Variants in LINGO2 observed in about 807,000 individuals in gnomAD.
LINGO2 encodes the protein leucine rich repeat and Ig domain containing 2.
In LINGO2, 14 loss-of-function variants were observed where a neutral mutation model predicts 30.6. The ratio of observed to expected loss-of-function variants is 0.46; its 90% CI spans 0.30 to 0.72. The LOEUF (loss-of-function observed/expected upper bound fraction) is 0.72, where lower values mean the gene tolerates loss of function less well. LINGO2 is among the 30% of genes least tolerant of loss of function. LINGO2 has a pLI of 0.07. For missense variants in LINGO2, 729 were observed against 751.7 expected (o/e 0.97, Z 0.35); for synonymous variants, 317 against 288.5 (o/e 1.10, Z -1.00).
rs147827421 is a variant in LINGO2 at position 28,194,167 on chromosome 9, G to T, written c.-87+101041C>A. ...AAATGAAATGAGAGATACTGTCGTGGCCATCTTTGGAAAATACAATCTACT... is the reference window on the plus strand; with the variant it reads ...AAATGAAATGAGAGATACTGTCGTGTCCATCTTTGGAAAATACAATCTACT... On this transcript the variant is annotated intron_variant, in intron 4 of 5. Coordinates refer to ENST00000379992, the Ensembl canonical transcript of LINGO2. Among the ~76,000 whole-genome samples the T allele has an allele frequency of 2.4e-3, 371 of 152,180 alleles. 3 individuals are homozygous for T. The highest frequency in any genetic ancestry group is 8.0e-3 in the African/African-American group (334 of 41,526).
chr9:28,335,284 G>A (rs1163971221), intron 3 of LINGO2, among the ~76,000 whole-genome samples: 1 of 152,122 alleles, frequency 6.6e-6, no homozygotes, highest in Non-Finnish European at 1.5e-5. Context: ...GTGCCAAGGA[G>A]TGCTTCATAT....
chr9:29,193,106 A>C, the LINGO2 span, among the ~76,000 whole-genome samples: 2 of 152,122 alleles, frequency 1.3e-5, no homozygotes, highest in Non-Finnish European at 2.9e-5. Context: ...GAATTGGAGG[A>C]GGATATGAAA....
At chr9:28,827,989 C>A in the LINGO2 span, among the ~76,000 whole-genome samples, 1 of 151,784 alleles carries the variant, frequency 6.6e-6, no homozygotes, top group Non-Finnish European at 1.5e-5. Context: ...TATATGTAGA[C>A]AATATCTTGA....
the LINGO2 span, among the ~76,000 whole-genome samples, chr9:29,073,809 G>A: frequency 1.3e-5 from 2 of 152,124 alleles, no homozygotes; most frequent in Non-Finnish European, 1.5e-5. Flanking sequence ...ATTAGTCTGA[G>A]TTACTGGCAA....
the LINGO2 span, among the ~76,000 whole-genome samples, chr9:28,782,752 A>G: frequency 6.6e-6 from 1 of 152,234 alleles, no homozygotes; most frequent in Non-Finnish European, 1.5e-5. Context: ...ACAATAGTCC[A>G]TTCTTCTGCC....
intron 4 of LINGO2, among the ~76,000 whole-genome samples, chr9:28,181,623 A>T (rs1828913283): frequency 6.6e-6 from 1 of 152,156 alleles, no homozygotes; most frequent in Non-Finnish European, 1.5e-5. Context: ...GCCTAATGAA[A>T]TGTTTTCAAA....
chr9:29,084,040 C>A, the LINGO2 span, among the ~76,000 whole-genome samples: 3 of 151,848 alleles, frequency 2.0e-5, no homozygotes, highest in Non-Finnish European at 4.4e-5. Context: ...AGGAAAAAAT[C>A]AAAAATGTAA....
chr9:28,990,740 C>T, the LINGO2 span, among the ~76,000 whole-genome samples: 1 of 116,964 alleles, frequency 8.5e-6, no homozygotes, highest in Non-Finnish European at 1.9e-5. Context: ...GATACCCAGG[C>T]TAACAGGGTC....
chr9:28,693,389 T>C, the LINGO2 span, among the ~76,000 whole-genome samples: 1 of 152,164 alleles, frequency 6.6e-6, no homozygotes, highest in East Asian at 1.9e-4. Context: ...TAAACATTTA[T>C]TGCACTGCTC....
At chr9:28,498,790 T>C (rs941058082) in intron 1 of LINGO2, among the ~76,000 whole-genome samples, 3 of 152,086 alleles carry the variant, frequency 2.0e-5, no homozygotes, top group Non-Finnish European at 4.4e-5. Context: ...TATTCGGCCA[T>C]CTTGGAACCG....
the LINGO2 span, among the ~76,000 whole-genome samples, chr9:28,915,120 G>T: frequency 5.3e-5 from 8 of 152,136 alleles, no homozygotes; most frequent in Non-Finnish European, 1.0e-4. Flanking sequence ...GACAGAGCGA[G>T]ACTCTGTCTC....
At chr9:28,388,457 T>C (rs1821689773) in intron 2 of LINGO2, among the ~76,000 whole-genome samples, 1 of 152,212 alleles carries the variant, frequency 6.6e-6, no homozygotes, top group African/African-American at 2.4e-5. Context: ...AATTGCTAAG[T>C]CATAGGGCAT....
chr9:28,807,182 G>A, the LINGO2 span, among the ~76,000 whole-genome samples: 20 of 151,850 alleles, frequency 1.3e-4, no homozygotes, highest in South Asian at 2.7e-3. Flanking sequence ...CTGTCACCAC[G>A]CCCGGCTAAT....
the LINGO2 span, among the ~76,000 whole-genome samples, chr9:28,786,842 C>G: frequency 1.3e-5 from 2 of 152,044 alleles, no homozygotes; most frequent in Non-Finnish European, 1.5e-5. Flanking sequence ...AATAAGGCTA[C>G]TAAAGGATTT....
chr9:28,163,187 A>C (rs1828335116), intron 4 of LINGO2, among the ~76,000 whole-genome samples: 1 of 152,166 alleles, frequency 6.6e-6, no homozygotes, highest in African/African-American at 2.4e-5. Context: ...ACAATTGTAT[A>C]AGTCAACTAT....
chr9:28,386,894 T>C (rs890288453), intron 2 of LINGO2, among the ~76,000 whole-genome samples: 1 of 152,216 alleles, frequency 6.6e-6, no homozygotes, highest in African/African-American at 2.4e-5. Flanking sequence ...CTACATTATT[T>C]CTAATTTTTT....
the LINGO2 span, among the ~76,000 whole-genome samples, chr9:28,721,018 A>G: frequency 1.3e-5 from 2 of 152,104 alleles, no homozygotes; most frequent in Non-Finnish European, 2.9e-5. Context: ...ATGGATGAAG[A>G]GACACTTATC....
chr9:28,376,952 A>T (rs1255124089), intron 2 of LINGO2, among the ~76,000 whole-genome samples: 2 of 150,402 alleles, frequency 1.3e-5, no homozygotes, highest in South Asian at 4.2e-4. Context: ...GTAAGTCATC[A>T]TTCTTCATTA....
the LINGO2 span, among the ~76,000 whole-genome samples, chr9:28,981,402 G>A: frequency 2.0e-5 from 3 of 152,020 alleles, no homozygotes; most frequent in Admixed American, 1.3e-4. Flanking sequence ...AAAGAATAGA[G>A]TATTTCTTAT....
Sources: allele counts gnomAD v4.1 joint callset (sites outside exome capture counted in the v4.1 genomes callset), GRCh38; gene constraint gnomAD v4.1.1; transcripts MANE v1.5; gene names NCBI Gene and HGNC (gene_info 2026-07-23, HGNC 2026-07-21).